Variants in RMDN2 observed in about 807,000 individuals in gnomAD.
RMDN2 encodes regulator of microtubule dynamics protein 2.
A neutral mutation model predicts 52.8 loss-of-function variants in RMDN2; 61 were observed. That is an observed-to-expected ratio of 1.16 (90% confidence interval 0.94 to 1.43). The LOEUF (loss-of-function observed/expected upper bound fraction) is 1.43, where lower values mean the gene tolerates loss of function less well. Among genes scored for constraint, RMDN2 ranks in the 40% most tolerant of loss-of-function variants. The probability of loss-of-function intolerance (pLI) is 0.00; values close to 1 mark genes in which losing one functional copy is unlikely to be tolerated. For missense variants in RMDN2, 592 were observed against 475.3 expected, an observed-to-expected ratio of 1.25 and a Z score of -2.28; for synonymous variants, 180 against 153.1, an observed-to-expected ratio of 1.18 and a Z score of -1.30.
At chr2:38,019,942 T>A (rs983564629), downstream of RMDN2, among the ~76,000 whole-genome samples, 9 of 145,770 alleles carry the variant, frequency 6.2e-5, no homozygotes, top group East Asian at 4.0e-4. Flanking sequence ...TTCAAAAAAA[T>A]TTTTTTTAAT....
chr2:37,978,148 G>A (rs1221446140), intron 4 of RMDN2, among the ~76,000 whole-genome samples: 12 of 152,154 alleles, frequency 7.9e-5, no homozygotes, highest in African/African-American at 2.9e-4. Context: ...GTGAAACCCC[G>A]TCTCCACCAA....
intron 10 of RMDN2, among the ~76,000 whole-genome samples, chr2:38,038,483 T>C (rs1341365028): frequency 1.3e-5 from 2 of 152,100 alleles, no homozygotes; most frequent in African/African-American, 4.8e-5. Context: ...CTCCGAACTG[T>C]CTCCTGCACG....
chr2:37,943,756 CT>C (rs1300951015), intron 2 of RMDN2, among the ~76,000 whole-genome samples: 2 of 152,166 alleles, frequency 1.3e-5, no homozygotes, highest in African/African-American at 2.4e-5. Context: ...AACTCCTCCC[CT>C]ATCCTTCTAA....
chr2:37,935,440 CAG>C (rs1387357842), intron 2 of RMDN2, among the ~76,000 whole-genome samples: 1 of 152,186 alleles, frequency 6.6e-6, no homozygotes, highest in Non-Finnish European at 1.5e-5. Context: ...TGGAGATGAA[CAG>C]AGATTCAGAA....
At chr2:37,988,428 T>C (rs1674329037) in intron 5 of RMDN2, among the ~76,000 whole-genome samples, 1 of 152,206 alleles carries the variant, frequency 6.6e-6, no homozygotes, top group Admixed American at 6.5e-5. Flanking sequence ...GCTTTTACTA[T>C]AGCAGATTCT....
At chr2:37,985,988 G>A (rs1414256781) in intron 5 of RMDN2, among the ~76,000 whole-genome samples, 1 of 152,078 alleles carries the variant, frequency 6.6e-6, no homozygotes, top group Non-Finnish European at 1.5e-5. Context: ...GTTAACAATA[G>A]GGAAAACTAG....
At chr2:37,935,793 A>G (rs1348734135) in intron 2 of RMDN2, among the ~76,000 whole-genome samples, 1 of 152,196 alleles carries the variant, frequency 6.6e-6, no homozygotes. Flanking sequence ...ATATGTATAT[A>G]TATAAAATTA....
chr2:37,991,968 T>C (rs985742567), intron 7 of RMDN2, among the ~76,000 whole-genome samples: 2 of 152,220 alleles, frequency 1.3e-5, no homozygotes, highest in African/African-American at 4.8e-5. Flanking sequence ...TTTTGAATGA[T>C]AAAATTGGGG....
chr2:38,046,431 A>G (rs1681274628), intron 10 of RMDN2, among the ~76,000 whole-genome samples: 1 of 152,212 alleles, frequency 6.6e-6, no homozygotes, highest in Admixed American at 6.5e-5. Context: ...AGCAGAGAAA[A>G]AAAAGCAGAA....
chr2:38,009,892 G>A (rs1041281807), intron 10 of RMDN2, among the ~76,000 whole-genome samples: 6 of 152,112 alleles, frequency 3.9e-5, no homozygotes, highest in Non-Finnish European at 8.8e-5. Context: ...GGGTTTTGGT[G>A]TGGATGTCCT....
downstream of RMDN2, among the ~76,000 whole-genome samples, chr2:38,018,019 C>T (rs1367481381): frequency 6.6e-6 from 1 of 152,148 alleles, no homozygotes; most frequent in East Asian, 1.9e-4. Context: ...GAGATAATGT[C>T]ATCAGTTAAG....
At chr2:38,004,625 C>T (rs1339709302) in intron 10 of RMDN2, among the ~76,000 whole-genome samples, 3 of 152,088 alleles carry the variant, frequency 2.0e-5, no homozygotes, top group East Asian at 3.9e-4. Context: ...AATATCTCCC[C>T]ATTTCTCCCA....
At chr2:37,935,963 A>G (rs1368753846) in intron 2 of RMDN2, among the ~76,000 whole-genome samples, 3 of 152,142 alleles carry the variant, frequency 2.0e-5, no homozygotes, top group African/African-American at 7.2e-5. Flanking sequence ...GTTTGTTAAC[A>G]TAGGTAGACA....
At chr2:38,003,242 T>C (rs1676551580) in intron 8 of RMDN2, among the ~76,000 whole-genome samples, 1 of 152,174 alleles carries the variant, frequency 6.6e-6, no homozygotes, top group Non-Finnish European at 1.5e-5. Flanking sequence ...CCAGTCATGC[T>C]CTACTCTTAT....
chr2:38,065,213 A>T (rs995530078), intron 10 of RMDN2, among the ~76,000 whole-genome samples: 6 of 152,222 alleles, frequency 3.9e-5, no homozygotes, highest in Admixed American at 6.5e-5. Context: ...ATTAAGCAAC[A>T]GGATGAGATA....
chr2:37,931,618 A>C (rs964518587), intron 2 of RMDN2, among the ~76,000 whole-genome samples: 7 of 152,252 alleles, frequency 4.6e-5, no homozygotes, highest in Non-Finnish European at 8.8e-5. Flanking sequence ...GAAGTTCTGA[A>C]ATTCTAGAAA....
intron 5 of RMDN2, among the ~76,000 whole-genome samples, chr2:37,988,331 T>TA (rs1674314521): frequency 6.6e-6 from 1 of 152,226 alleles, no homozygotes; most frequent in Admixed American, 6.5e-5. Context: ...AAATTCAGTC[T>TA]GATTTTAGAA....
chr2:37,938,861 T>G (rs1257028765), intron 2 of RMDN2, among the ~76,000 whole-genome samples: 1 of 152,196 alleles, frequency 6.6e-6, no homozygotes, highest in Non-Finnish European at 1.5e-5. Flanking sequence ...CTGGATTCAC[T>G]GATTTTTTGA....
intron 4 of RMDN2, among the ~76,000 whole-genome samples, chr2:37,977,039 G>A (rs562274853): frequency 5.3e-5 from 8 of 152,024 alleles, no homozygotes; most frequent in Admixed American, 5.2e-4. Context: ...ATTAGGGAGT[G>A]GTGATGACTC....
Sources: allele counts gnomAD v4.1 joint callset (sites outside exome capture counted in the v4.1 genomes callset), GRCh38; gene constraint gnomAD v4.1.1; transcripts MANE v1.5; gene names NCBI Gene and HGNC (gene_info 2026-07-23, HGNC 2026-07-21).